ZNF534: variants seen among roughly 807,000 people sequenced by gnomAD.
ZNF534 encodes zinc finger protein 534, also known as KRAB domain only 3.
Under a neutral mutation model 13.6 loss-of-function variants are expected in ZNF534, and 19 were observed. That is an observed-to-expected ratio of 1.40 (90% CI 0.97 to 2.05). ZNF534 has a LOEUF of 2.05. Ranked by LOEUF, ZNF534 falls within the 30% of genes most tolerant of loss-of-function variation. The pLI, the probability that ZNF534 is intolerant of heterozygous loss-of-function variation, is 0.00. For synonymous variants in ZNF534, 244 were observed against 273.8 expected (o/e 0.89, Z 1.07); for missense variants, 782 against 796.3 (o/e 0.98, Z 0.22).
intron 1 of ZNF534, among the ~76,000 whole-genome samples, chr19:52,430,307 C>T (rs995131409): frequency 9.2e-5 from 14 of 152,186 alleles, no homozygotes; most frequent in Admixed American, 2.6e-4. Flanking sequence ...TGAGCCACTG[C>T]GCCCGGCCTT....
intron 4 of ZNF534, among the ~76,000 whole-genome samples, chr19:52,447,556 T>TATA (rs1413815818): frequency 6.6e-6 from 1 of 152,222 alleles, no homozygotes; most frequent in Non-Finnish European, 1.5e-5. Flanking sequence ...TTTGCTCTAT[T>TATA]ATCAGTTTTG....
At position 52,430,998 on chromosome 19, in the gene ZNF534, G is replaced by T. The variant is rs528265682; in HGVS notation, c.-67-410G>T. Among the ~76,000 whole-genome samples, 4 of 152,148 alleles carry T rather than the reference G, an allele frequency of 2.6e-5. No individual in the cohort carries two copies. The East Asian group carries it at 7.7e-4, about 29-fold the overall frequency. On this transcript the variant is annotated intron_variant, in intron 1 of 4. Coordinates refer to ENST00000433050, the MANE Select transcript of ZNF534 (RefSeq NM_001143938.3). ...CCTGAGTAGCTGGGATTACAGGCCC[G>T]TGTCACCACGCCCAGCTAATTTTTT...
exon 5 of ZNF534, chr19:52,451,938 A>G (rs2059219069): frequency 2.4e-6 from 1 of 423,682 alleles, no homozygotes; most frequent in Non-Finnish European, 4.6e-6. Context: ...TACCGGAAAG[A>G]ATTAAAATTT....
At chr19:52,451,420 C>A in exon 5 of ZNF534, 1 of 719,930 alleles carries the variant, frequency 1.4e-6, no homozygotes, top group Non-Finnish European at 2.5e-6. Flanking sequence ...GCCCGCCCCT[C>A]GGCCGCGCAG....
At position 52,438,046 on chromosome 19, in the gene ZNF534, A is replaced by C; in HGVS notation, c.586A>C (p.Arg196=). The change falls in exon 5 of 5, where the codon AGA becomes CGA. Residue 196 remains arginine, a synonymous_variant. Coordinates refer to ENST00000433050, the MANE Select transcript of ZNF534 (RefSeq NM_001143938.3). ...ATGTAATGAGCATGGGAAAGTCTTC[A>C]GAGTGTCTTCAAGCCTTACTAACCG... ...YGCNEHGKVF[R]VSSSLTNRQV... 6.2e-7 allele frequency: 1 copy of C among 1,614,192 alleles called. No individual in the cohort carries two copies. Among genetic ancestry groups the C allele is most frequent in the Non-Finnish European group, 8.5e-7 (1 of 1,180,028 alleles).
rs747475910 is a variant in ZNF534, at chr19:52,451,293, C to T, written c.378C>T (p.Ser126=). 6.5e-6 allele frequency: 7 copies of T among 1,083,408 alleles called. No homozygotes were observed. The South Asian group carries it at 9.4e-5, about 15-fold the overall frequency. The allele number at this position is 1,083,408 out of a possible 1,614,324, so 67.1% of individuals were successfully genotyped here. ...GCCCAAACTTTGTGGGAAATGACTCCCCTCTGCCCTCGCCCCTCGCTCTGC... is the reference window on the plus strand; with the variant it reads ...GCCCAAACTTTGTGGGAAATGACTCTCCTCTGCCCTCGCCCCTCGCTCTGC... Residue 126 remains serine (S), a synonymous_variant, in exon 5 of 5, where the codon TCC becomes TCT. Transcript: ENST00000301085.
chr19:52,450,256 A>G (rs2122731382), intron 4 of ZNF534, among the ~76,000 whole-genome samples: 1 of 152,236 alleles, frequency 6.6e-6, no homozygotes, highest in South Asian at 2.1e-4. Context: ...GCCCAGATCA[A>G]TGCCCTGAAG....
At chr19:52,443,955 C>T (rs1249672711), downstream of ZNF534, among the ~76,000 whole-genome samples, 1 of 151,892 alleles carries the variant, frequency 6.6e-6, no homozygotes, top group Non-Finnish European at 1.5e-5. Flanking sequence ...TCTCTAGTGC[C>T]TCCTTGATTA....
At position 52,438,041 on chromosome 19, in the gene ZNF534, T is replaced by C. The variant is rs1018393146; in HGVS notation, c.581T>C (p.Val194Ala). Residue 194 changes from valine (V) to alanine (A), a missense_variant, in exon 5 of 5, where the codon GTC becomes GCC. Val to Ala is a moderately conservative substitution (Grantham distance 64). Around this residue, in one of 5 missense-constraint regions of ZNF534, gnomAD observed 591 missense variants for 574.0 expected, o/e 1.03. Transcript: ENST00000433050. ...KPYGCNEHGK[V>A]FRVSSSLTNR... is the part of the protein sequence containing the mutation. ...TATGGATGTAATGAGCATGGGAAAGTCTTCAGAGTGTCTTCAAGCCTTACT... is the reference window on the plus strand; with the variant it reads ...TATGGATGTAATGAGCATGGGAAAGCCTTCAGAGTGTCTTCAAGCCTTACT... The C allele has an allele frequency of 5.6e-6, 9 of 1,614,156 alleles. No homozygotes were observed. The highest frequency in any genetic ancestry group is 7.6e-6 in the Non-Finnish European group (9 of 1,180,036).
intron 1 of ZNF534, among the ~76,000 whole-genome samples, chr19:52,430,176 C>T (rs900539652): frequency 4.6e-5 from 7 of 151,590 alleles, no homozygotes; most frequent in Non-Finnish European, 8.8e-5. Flanking sequence ...CCACCACGGC[C>T]GGCTAGTTTT....
chr19:52,431,569 T>A, intron 2 of ZNF534, 80 bp downstream of exon 2: 2 of 1,576,288 alleles, frequency 1.3e-6, no homozygotes. Flanking sequence ...AATCTCTGAC[T>A]CTGAAGCATC....
rs557167888 is a variant in ZNF534 at position 52,435,463 on chromosome 19, C to G, written c.271+254C>G. 2.0e-5 allele frequency among the ~76,000 whole-genome samples: 3 copies of G among 152,112 alleles called. 1 individual carries two copies. In the South Asian group the frequency reaches 6.2e-4, roughly 32 times the overall value. ...AAGTGGGTGAATTCTGTGGGAAAAC[C>G]AAAGCTGAAATCCTTTGAGTTGTGA... On this transcript the variant is annotated intron_variant, in intron 4 of 4. Transcript: ENST00000433050.
intron 4 of ZNF534, among the ~76,000 whole-genome samples, chr19:52,450,704 T>G (rs1252362806): frequency 1.7e-5 from 2 of 116,208 alleles, no homozygotes; most frequent in Admixed American, 1.1e-4. Flanking sequence ...TTTGTTTTTT[T>G]TTTTTAGACA....
At chr19:52,444,962 C>T (rs8102815), downstream of ZNF534, among the ~76,000 whole-genome samples, 139,212 of 152,130 alleles carry the variant, frequency 0.92, 64,051 homozygotes, top group Non-Finnish European at 0.96. Flanking sequence ...GCTTTCGTGC[C>T]TCCCAGCCTG....
chr19:52,449,798 G>A (rs1568450205), intron 4 of ZNF534, among the ~76,000 whole-genome samples: 1 of 152,122 alleles, frequency 6.6e-6, no homozygotes, highest in Non-Finnish European at 1.5e-5. Flanking sequence ...GAAGCAGGTG[G>A]ATCACGAGGT....
At position 52,438,821 on chromosome 19, in the gene ZNF534, C is replaced by T. The variant is rs2059149594; in HGVS notation, c.1361C>T (p.Thr454Ile). The T allele has an allele frequency of 6.2e-7, 1 of 1,611,126 alleles. No homozygotes were observed. Among genetic ancestry groups the T allele is most frequent in the South Asian group, 1.1e-5 (1 of 90,690 alleles). Residue 454 changes from threonine (T) to isoleucine (I), a missense_variant, in exon 5 of 5, where the codon ACC (threonine) becomes ATC (isoleucine). Around this residue, in one of 5 missense-constraint regions of ZNF534, gnomAD observed 591 missense variants for 574.0 expected, o/e 1.03. Transcript: ENST00000433050. ...GTCTTCAGGCACAAGTCTTCCCTAACCTATCACTGTAGAATTCATACTGGA... is the reference window on the plus strand; with the variant it reads ...GTCTTCAGGCACAAGTCTTCCCTAATCTATCACTGTAGAATTCATACTGGA... ...GKVFRHKSSL[T>I]YHCRIHTGEK...
In ZNF534 at chr19:52,439,634, C is replaced by CTGTA. The variant is rs2059159014; in HGVS notation, c.*189_*192dup. ...ATTAGCTGGGTGTGGTGGCAGGCAC[C>CTGTA]TGTAGTCCCAGCTACTCAGGAGGCT... On this transcript the variant is annotated 3_prime_UTR_variant, in exon 5 of 5. Transcript: ENST00000433050. Among the ~76,000 whole-genome samples, 1 of 151,656 alleles carries CTGTA rather than the reference C, an allele frequency of 6.6e-6. No individual in the cohort carries two copies. Among genetic ancestry groups the CTGTA allele is most frequent in the Non-Finnish European group, 1.5e-5 (1 of 67,984 alleles).
At position 52,441,511 on chromosome 19, in the gene ZNF534, T is replaced by C. The variant is rs1158512160; in HGVS notation, c.*2065T>C. On this transcript the variant is annotated 3_prime_UTR_variant, in exon 5 of 5. Transcript: ENST00000433050. ...GCCTGGGTGACAGAGTGAGACCCTA[T>C]CTACAAATATAAACAAACAATGTGA... Among the ~76,000 whole-genome samples the C allele has an allele frequency of 6.6e-6, 1 of 152,120 alleles. No individual in the cohort carries two copies. Among genetic ancestry groups the C allele is most frequent in the African/African-American group, 2.4e-5 (1 of 41,396 alleles).
intron 4 of ZNF534, 131 bp from the exon 5 acceptor site, chr19:52,437,601 T>TC: frequency 2.3e-6 from 2 of 885,024 alleles, no homozygotes; most frequent in Non-Finnish European, 3.4e-6. Flanking sequence ...AATGTGAGAC[T>TC]CCATCTCAAT....
Sources: gnomAD v4.1 joint callset for allele counts (sites outside exome capture counted in the v4.1 genomes callset) on GRCh38, gnomAD v4.1.1 for gene constraint, gnomAD v4.1.1 regional missense constraint, MANE v1.5 for transcripts, NCBI Gene and HGNC (gene_info 2026-07-23, HGNC 2026-07-21) for gene names.